The following SLC4A4 variants were observed in gnomAD, a reference collection of about 807,000 sequenced individuals.
SLC4A4 encodes the protein solute carrier family 4 member 4.
Under a neutral mutation model 111.5 loss-of-function variants are expected in SLC4A4, and 27 were observed. The ratio of observed to expected loss-of-function variants is 0.24; its 90% CI spans 0.18 to 0.33. The LOEUF is 0.33. Ranked by LOEUF, SLC4A4 falls within the 10% of genes least tolerant of loss-of-function variation. The probability of loss-of-function intolerance (pLI) is 1.00; values close to 1 mark genes in which losing one functional copy is unlikely to be tolerated. For missense variants in SLC4A4, 909 were observed against 1,315.5 expected, an observed-to-expected ratio of 0.69 and a Z score of 4.78; for synonymous variants, 443 against 463.4, an observed-to-expected ratio of 0.96 and a Z score of 0.57.
intron 2 of SLC4A4, among the ~76,000 whole-genome samples, chr4:71,127,683 T>C (rs1461865115): frequency 6.6e-6 from 1 of 152,222 alleles, no homozygotes; most frequent in East Asian, 1.9e-4. Flanking sequence ...TTTTAAGATA[T>C]GTTATATAAA....
intron 3 of SLC4A4, among the ~76,000 whole-genome samples, chr4:71,265,417 C>T (rs2149073280): frequency 6.6e-6 from 1 of 151,936 alleles, no homozygotes; most frequent in Middle Eastern, 3.4e-3. Context: ...TGTATTTTGG[C>T]CAGTCACAGG....
intron 20 of SLC4A4, among the ~76,000 whole-genome samples, chr4:71,551,378 C>T (rs1735980240): frequency 6.6e-6 from 1 of 151,680 alleles, no homozygotes; most frequent in Non-Finnish European, 1.5e-5. Context: ...TGTTCAGTGC[C>T]AGGGAAAGCA....
intron 7 of SLC4A4, among the ~76,000 whole-genome samples, chr4:71,402,677 G>A (rs552249770): frequency 6.6e-5 from 10 of 152,312 alleles, no homozygotes; most frequent in Admixed American, 6.5e-4. Flanking sequence ...AGGTAGTTAG[G>A]GTACTTAGAG....
At chr4:71,302,446 C>T (rs1354724855) in intron 3 of SLC4A4, among the ~76,000 whole-genome samples, 2 of 152,130 alleles carry the variant, frequency 1.3e-5, no homozygotes, top group African/African-American at 4.8e-5. Flanking sequence ...TGCTTACTTC[C>T]ACAGAGTATG....
chr4:71,475,512 C>T lies in SLC4A4; in HGVS notation c.1903+2542C>T, dbSNP rs546116101. ...ATAGCTTTTCCTTTGTCCAGTTTTT[C>T]CCAGGCTGTGTAAAAAGTCAGTGCT... On this transcript the variant is annotated intron_variant, in intron 14 of 25. Transcript: ENST00000264485. Among the ~76,000 whole-genome samples the T allele has an allele frequency of 2.0e-5, 3 of 151,900 alleles. No individual in the cohort carries two copies. The South Asian group carries it at 6.2e-4, about 31-fold the overall frequency.
chr4:71,196,356 A>G (rs748994499), intron 1 of SLC4A4, among the ~76,000 whole-genome samples: 2 of 152,206 alleles, frequency 1.3e-5, no homozygotes, highest in Non-Finnish European at 2.9e-5. Context: ...GGGAAAAGGG[A>G]GAAGGCGGAT....
At chr4:71,072,064 C>T (rs1268560479) in intron 1 of SLC4A4, among the ~76,000 whole-genome samples, 2 of 151,872 alleles carry the variant, frequency 1.3e-5, no homozygotes, top group Non-Finnish European at 2.9e-5. Context: ...TTAATTTTGC[C>T]TTTTGCCATG....
intron 6 of SLC4A4, among the ~76,000 whole-genome samples, chr4:71,392,137 T>C (rs968126015): frequency 3.9e-5 from 6 of 152,126 alleles, no homozygotes; most frequent in Admixed American, 3.3e-4. Flanking sequence ...CCATGTATAA[T>C]CTGGTTGATA....
chr4:71,219,264 C>T (rs190791442), intron 1 of SLC4A4, among the ~76,000 whole-genome samples: 178 of 152,318 alleles, frequency 1.2e-3, no homozygotes, highest in Non-Finnish European at 2.2e-3. Flanking sequence ...AGAAGTGCTA[C>T]TCCAGTGAAT....
At chr4:71,095,528 T>TTTTGCTCA (rs1176272706) in intron 2 of SLC4A4, among the ~76,000 whole-genome samples, 1 of 152,212 alleles carries the variant, frequency 6.6e-6, no homozygotes, top group Admixed American at 6.5e-5. Context: ...ATCTGCTGCG[T>TTTTGCTCA]TTTGCTCATT....
intron 2 of SLC4A4, among the ~76,000 whole-genome samples, chr4:71,140,817 A>T (rs1332993938): frequency 6.6e-6 from 1 of 152,212 alleles, no homozygotes; most frequent in Non-Finnish European, 1.5e-5. Flanking sequence ...ACCACCTATC[A>T]TCTCTCACTA....
chr4:71,421,364 G>T (rs901470632), intron 7 of SLC4A4, among the ~76,000 whole-genome samples: 16 of 152,138 alleles, frequency 1.1e-4, no homozygotes, highest in East Asian at 1.9e-4. Flanking sequence ...CAAAGAGACT[G>T]AGACTCCCAC....
At chr4:71,072,267 A>C (rs1741686963) in intron 1 of SLC4A4, among the ~76,000 whole-genome samples, 2 of 152,302 alleles carry the variant, frequency 1.3e-5, no homozygotes, top group South Asian at 4.1e-4. Context: ...GGTATGAAGG[A>C]TATGACATTA....
chr4:71,452,775 C>T (rs1461916727), intron 11 of SLC4A4, among the ~76,000 whole-genome samples: 3 of 152,154 alleles, frequency 2.0e-5, no homozygotes. Flanking sequence ...CCATGGCTTC[C>T]TCCCTTAGTT....
At chr4:71,442,148 T>C (rs951337201) in intron 8 of SLC4A4, among the ~76,000 whole-genome samples, 2 of 152,256 alleles carry the variant, frequency 1.3e-5, no homozygotes, top group Admixed American at 1.3e-4. Flanking sequence ...CATTTTTCTT[T>C]AGAAGGTACA....
intron 1 of SLC4A4, among the ~76,000 whole-genome samples, chr4:71,086,522 T>G (rs1742179590): frequency 6.6e-6 from 1 of 152,074 alleles, no homozygotes; most frequent in South Asian, 2.1e-4. Context: ...GCCCATTCAG[T>G]GTGATATTGG....
chr4:71,488,098 A>T (rs1381194363), intron 15 of SLC4A4, among the ~76,000 whole-genome samples: 1 of 150,562 alleles, frequency 6.6e-6, no homozygotes, highest in Non-Finnish European at 1.5e-5. Context: ...AAAGAATTTT[A>T]TTCAAAATTC....
At chr4:71,167,428 T>C (rs554427397) in intron 2 of SLC4A4, among the ~76,000 whole-genome samples, 89 of 152,252 alleles carry the variant, frequency 5.8e-4, no homozygotes, top group Non-Finnish European at 1.0e-3. Flanking sequence ...TACATCCAGT[T>C]TTAAGGAGAT....
rs770468022 is a variant in SLC4A4, at chr4:71,567,106, A to C, written c.*36+23A>C. Reference sequence around the variant, plus strand: ...AAGGTAAAGGAGAGCCCAGTATTTTATGTTTTTCTGTGGGATAATTGCCCC... The same window carrying C: ...AAGGTAAAGGAGAGCCCAGTATTTTCTGTTTTTCTGTGGGATAATTGCCCC... On this transcript the variant is annotated intron_variant, in intron 25 of 25. Transcript: ENST00000264485. 7.0e-6 allele frequency: 11 copies of C among 1,580,590 alleles called. No individual in the cohort carries two copies. In the South Asian group the frequency reaches 1.0e-4, roughly 15 times the overall value.
Sources: gnomAD v4.1 joint callset for allele counts (sites outside exome capture counted in the v4.1 genomes callset) on GRCh38, gnomAD v4.1.1 for gene constraint, MANE v1.5 for transcripts, NCBI Gene and HGNC (gene_info 2026-07-23, HGNC 2026-07-21) for gene names.